MTCL1: variants seen among roughly 807,000 people sequenced by gnomAD.
MTCL1 encodes microtubule crosslinking factor 1.
MTCL1 carries 79 observed loss-of-function variants against 141.4 expected under a neutral mutation model. That is an observed-to-expected ratio of 0.56 (90% confidence interval 0.47 to 0.67). The LOEUF is 0.67. Among genes scored for constraint, MTCL1 ranks in the 30% least tolerant of loss-of-function variants. MTCL1 has a pLI of 0.00. For synonymous variants in MTCL1, 914 were observed against 875.8 expected (o/e 1.04, Z -0.77); for missense variants, 2,177 against 2,113.9 (o/e 1.03, Z -0.59).
intron 4 of MTCL1, among the ~76,000 whole-genome samples, chr18:8,734,820 G>C (rs73939516): frequency 6.6e-6 from 1 of 152,144 alleles, no homozygotes; most frequent in Non-Finnish European, 1.5e-5. Flanking sequence ...CCCTACATCA[G>C]ACCCTGGGGG....
chr18:8,813,306 G>A (rs2076547724), intron 12 of MTCL1, 73 bp downstream of exon 11: 3 of 1,503,312 alleles, frequency 2.0e-6, no homozygotes, highest in South Asian at 1.3e-5. Flanking sequence ...GAAAGCAAAA[G>A]CACTAGGCTG....
At chr18:8,824,652 A>G in intron 14 of MTCL1, 47 bp from the exon 14 acceptor site, 1 of 1,526,492 alleles carries the variant, frequency 6.6e-7, no homozygotes, top group East Asian at 2.3e-5. Flanking sequence ...GTGGTGTGTC[A>G]GAGGCTCCCT....
chr18:8,805,121 A>ATATATATAT (rs1555667527), intron 10 of MTCL1, among the ~76,000 whole-genome samples: 1 of 150,760 alleles, frequency 6.6e-6, no homozygotes, highest in African/African-American at 2.4e-5. Flanking sequence ...ATATATATAG[A>ATATATATAT]ATTTTAGGTT....
intron 12 of MTCL1, among the ~76,000 whole-genome samples, chr18:8,814,916 A>G (rs981935598): frequency 2.0e-5 from 3 of 152,222 alleles, no homozygotes; most frequent in Admixed American, 6.5e-5. Flanking sequence ...TAAAGGAAAA[A>G]TTAGATACAT....
upstream of MTCL1, chr18:8,717,362 T>G (rs530198722): frequency 6.6e-6 from 1 of 152,480 alleles, no homozygotes; most frequent in African/African-American, 2.4e-5. Context: ...TGCAGAGATC[T>G]GGAGCGGGGA....
chr18:8,809,725 G>A, intron 11 of MTCL1: 1 of 1,116,280 alleles, frequency 9.0e-7, no homozygotes, highest in South Asian at 1.7e-5. Flanking sequence ...TTCTAGTACG[G>A]GTGCCTGGGC....
chr18:8,717,037 C>T (rs554815423), upstream of MTCL1, among the ~76,000 whole-genome samples: 19 of 152,262 alleles, frequency 1.2e-4, no homozygotes, highest in African/African-American at 3.4e-4. Context: ...TGATGTTAGT[C>T]GCCTTTCTGA....
At chr18:8,731,170 G>C (rs954332948) in intron 4 of MTCL1, among the ~76,000 whole-genome samples, 4 of 152,076 alleles carry the variant, frequency 2.6e-5, no homozygotes, top group Non-Finnish European at 5.9e-5. Context: ...GCGTGAACCC[G>C]GGAGTCAGAG....
chr18:8,787,252 G>C (rs2096559557), intron 7 of MTCL1: 1 of 152,316 alleles, frequency 6.6e-6, no homozygotes, highest in Non-Finnish European at 1.5e-5. Context: ...TAGATTAGCA[G>C]AGTGAGCTGG....
intron 4 of MTCL1, among the ~76,000 whole-genome samples, chr18:8,757,398 G>A (rs2096407407): frequency 6.6e-6 from 1 of 152,120 alleles, no homozygotes; most frequent in African/African-American, 2.4e-5. Flanking sequence ...GTGTGTCCCG[G>A]CAACCAAGGA....
chr18:8,721,463 A>G (rs2148817095), intron 4 of MTCL1, among the ~76,000 whole-genome samples: 1 of 152,330 alleles, frequency 6.6e-6, no homozygotes, highest in Middle Eastern at 3.4e-3. Flanking sequence ...AACAAATCAC[A>G]GCAAAGTAGC....
At chr18:8,776,480 G>A (rs544044516) in intron 4 of MTCL1, among the ~76,000 whole-genome samples, 1 of 152,260 alleles carries the variant, frequency 6.6e-6, no homozygotes, top group African/African-American at 2.4e-5. Context: ...AGATGTATTT[G>A]CAATTTCTTG....
At position 8,705,993 on chromosome 18, in the gene MTCL1, C is replaced by T; in HGVS notation, c.333C>T (p.Pro111=). Residue 111 remains proline, a synonymous_variant, in exon 1 of 14, where the codon CCC becomes CCT. Transcript: ENST00000306329. This position sits in a 1 kb window ranked among gnomAD's most constrained non-coding sequence, Gnocchi z 5.2. Reference sequence around the variant, plus strand: ...GCGTCCCGGGCGCGAAGGACAAGCCCCCGCCGGGCGCCGGGGCCAGAGCGG... The same window carrying T: ...GCGTCCCGGGCGCGAAGGACAAGCCTCCGCCGGGCGCCGGGGCCAGAGCGG... The T allele has an allele frequency of 8.7e-7, 1 of 1,149,636 alleles. No individual in the cohort carries two copies. Among genetic ancestry groups the T allele is most frequent in the Non-Finnish European group, 1.1e-6 (1 of 936,802 alleles). 71.2% of individuals were successfully genotyped at this position (1,149,636 alleles called of 1,614,324 possible).
At chr18:8,727,253 C>T (rs947785784) in intron 4 of MTCL1, among the ~76,000 whole-genome samples, 1 of 152,092 alleles carries the variant, frequency 6.6e-6, no homozygotes. Context: ...CATATTGCTT[C>T]AATAAACACA....
intron 10 of MTCL1, among the ~76,000 whole-genome samples, chr18:8,804,253 A>AC (rs1297063594): frequency 2.2e-5 from 3 of 135,914 alleles, no homozygotes; most frequent in East Asian, 4.2e-4. Flanking sequence ...TAATTTTTAG[A>AC]TTTTTTTTTT....
chr18:8,799,122 T>C (rs1284100825), intron 10 of MTCL1, among the ~76,000 whole-genome samples: 1 of 152,186 alleles, frequency 6.6e-6, no homozygotes, highest in African/African-American at 2.4e-5. Context: ...GCGGCAGTCA[T>C]ATGGGCGCGG....
At chr18:8,726,286 C>CTTTTTTTTTTTTTTTTTTT (rs77665680) in intron 4 of MTCL1, among the ~76,000 whole-genome samples, 3 of 102,260 alleles carry the variant, frequency 2.9e-5, no homozygotes, top group African/African-American at 3.8e-5. Flanking sequence ...TTCTTTTTTT[C>CTTTTTTTTTTTTTTTTTTT]TTTTTTTTTT....
At chr18:8,711,639 A>G (rs1434522525) in intron 1 of MTCL1, among the ~76,000 whole-genome samples, 1 of 151,900 alleles carries the variant, frequency 6.6e-6, no homozygotes, top group African/African-American at 2.4e-5. Flanking sequence ...TCTGATGGCC[A>G]GTGATGGTGA....
chr18:8,733,551 G>A (rs910743295), intron 4 of MTCL1, among the ~76,000 whole-genome samples: 1 of 152,050 alleles, frequency 6.6e-6, no homozygotes, highest in African/African-American at 2.4e-5. Flanking sequence ...GATTACAGAT[G>A]CCTGCCACCA....
Sources: gnomAD v4.1 joint callset for allele counts (sites outside exome capture counted in the v4.1 genomes callset) on GRCh38, gnomAD v4.1.1 for gene constraint, Gnocchi (gnomAD v3.1) non-coding constraint, MANE v1.5 for transcripts, NCBI Gene and HGNC (gene_info 2026-07-23, HGNC 2026-07-21) for gene names.